The following PIGY variants were observed in gnomAD, a reference collection of about 807,000 sequenced individuals.
The protein encoded by PIGY is phosphatidylinositol N-acetylglucosaminyltransferase subunit Y.
Under a neutral mutation model 4.1 loss-of-function variants are expected in PIGY, and 3 were observed. That is an observed-to-expected ratio of 0.73 (90% CI 0.33 to 1.89). PIGY has a LOEUF of 1.89. Among genes scored for constraint, PIGY ranks in the 40% most tolerant of loss-of-function variants. PIGY has a pLI of 0.08. For missense variants in PIGY, 78 were observed against 80.3 expected (o/e 0.97, Z 0.11); for synonymous variants, 33 against 31.4 (o/e 1.05, Z -0.18).
At position 88,522,011 on chromosome 4, in the gene PIGY, G is replaced by A. The variant is rs3177413; in HGVS notation, c.-222C>T. ...TTCCCAACTCTTCATTAATCAATTC[G>A]TTTGTTGATGCTTCATATCTGAGGT... On this transcript the variant is annotated 5_prime_UTR_variant, in exon 2 of 2. In the 5' UTR this introduces an upstream ATG that the reference lacks. Coordinates refer to ENST00000527353, the MANE Select transcript of PIGY (RefSeq NM_001042616.3). 0.12 allele frequency: 179,209 copies of A among 1,545,740 alleles called. 11,669 individuals are homozygous for A. The highest frequency in any genetic ancestry group is 0.23 in the Admixed American group (11,328 of 50,068).
At chr4:88,522,940 C>G (rs564273540) in intron 1 of PIGY, among the ~76,000 whole-genome samples, 1 of 152,244 alleles carries the variant, frequency 6.6e-6, no homozygotes, top group South Asian at 2.1e-4. Flanking sequence ...TGTCCTGAAT[C>G]GCAGTGGTTC....
rs917373732 is a variant in PIGY at position 88,523,564 on chromosome 4, G to A, written c.-307C>T. 5.2e-6 allele frequency: 8 copies of A among 1,550,676 alleles called. No individual in the cohort carries two copies. Among genetic ancestry groups the A allele is most frequent in the South Asian group, 1.2e-5 (1 of 84,064 alleles). On this transcript the variant is annotated 5_prime_UTR_variant, in exon 1 of 2. Coordinates refer to ENST00000527353, the MANE Select transcript of PIGY (RefSeq NM_001042616.3). Reference sequence around the variant, plus strand: ...CAGCGCCGGATCGAAGTCGCGGGGCGGCTCCTCAGTCTTCTTGCCCCGGTC... The same window carrying A: ...CAGCGCCGGATCGAAGTCGCGGGGCAGCTCCTCAGTCTTCTTGCCCCGGTC...
rs1476561798 is a variant in PIGY, at chr4:88,523,745, G to A, written c.-488C>T. Reference sequence around the variant, plus strand: ...AGGCCTCACCGCAGCCTCGCCACCCGTGGCCGAGCTCCCGGCTTCCCGTTC... The same window carrying A: ...AGGCCTCACCGCAGCCTCGCCACCCATGGCCGAGCTCCCGGCTTCCCGTTC... On this transcript the variant is annotated 5_prime_UTR_variant, in exon 1 of 2. The change creates a new upstream start codon in the 5' untranslated region. Coordinates refer to ENST00000527353, the MANE Select transcript of PIGY (RefSeq NM_001042616.3). The A allele has an allele frequency of 1.4e-6, 2 of 1,393,364 alleles. No individual in the cohort carries two copies. The highest frequency in any genetic ancestry group is 1.5e-5 in the African/African-American group (1 of 65,510). 86.3% of individuals were successfully genotyped at this position (1,393,364 alleles called of 1,614,324 possible). A position where few individuals can be genotyped will look rare whatever the true frequency, so the allele number is the denominator to read the frequency against.
intron 1 of PIGY, among the ~76,000 whole-genome samples, chr4:88,522,581 A>G (rs1259761164): frequency 6.6e-6 from 1 of 152,246 alleles, no homozygotes; most frequent in Non-Finnish European, 1.5e-5. Flanking sequence ...GAGAAAATTG[A>G]ATAATATGTT....
intron 1 of PIGY, 100 bp from the exon 2 acceptor site, chr4:88,522,129 C>T (rs746998187): frequency 5.0e-5 from 55 of 1,098,586 alleles, no homozygotes; most frequent in South Asian, 1.6e-4. Flanking sequence ...ATTTTTGGTA[C>T]GGAGTTAATC....
At chr4:88,522,110 A>G (rs1742392500) in intron 1 of PIGY, 81 bp from the exon 2 acceptor site, 1 of 1,306,184 alleles carries the variant, frequency 7.7e-7, no homozygotes, top group Non-Finnish European at 1.0e-6. Flanking sequence ...AAATACCACC[A>G]TTTATCCAAT....
In PIGY at chr4:88,521,634, T is replaced by C. The variant is rs781364498; in HGVS notation, c.156A>G (p.Pro52=). The part of the protein sequence containing the change: ...FYSLLLPITI[P]VYVFFHLWTW... ...TCCAAAGGTGGAAGAATACATACAC[T>C]GGTATGGTAATAGGCAAGAGCAGGC... Residue 52 remains proline, a synonymous_variant, in exon 2 of 2, where the codon CCA becomes CCG. Coordinates refer to ENST00000527353, the MANE Select transcript of PIGY (RefSeq NM_001042616.3). 8 of 1,613,868 alleles carry C rather than the reference T, an allele frequency of 5.0e-6. No individual in the cohort carries two copies. The Admixed American group carries it at 5.0e-5, about 10-fold the overall frequency.
Position 88,523,738 on chromosome 4 carries a change from G to A in PIGY, c.-481C>T, listed in dbSNP as rs1193974265. 8 of 1,398,502 alleles carry A rather than the reference G, an allele frequency of 5.7e-6. 1 individual carries two copies. The highest frequency in any genetic ancestry group is 7.4e-6 in the Non-Finnish European group (8 of 1,082,846). The allele number at this position is 1,398,502 out of a possible 1,614,324, so 86.6% of individuals were successfully genotyped here. A position where few individuals can be genotyped will look rare whatever the true frequency, so the allele number is the denominator to read the frequency against. ...GGAGACCAGGCCTCACCGCAGCCTC[G>A]CCACCCGTGGCCGAGCTCCCGGCTT... On this transcript the variant is annotated 5_prime_UTR_variant, in exon 1 of 2. Transcript: ENST00000527353.
intron 1 of PIGY, 123 bp from the exon 2 acceptor site, chr4:88,522,152 T>C (rs1742393949): frequency 6.1e-6 from 5 of 816,416 alleles, no homozygotes; most frequent in Non-Finnish European, 9.0e-6. Context: ...AGAATAGTCT[T>C]CTTTAATTCT....
chr4:88,521,483 T>C lies in PIGY; in HGVS notation c.*91A>G, dbSNP rs1578076814. The stretch of plus-strand genomic sequence containing the variant: ...TGATATGCGCAAAGCAAAGCCTCTT[T>C]CCCGCAAACTAAATTCCATCCATTT... On this transcript the variant is annotated 3_prime_UTR_variant, in exon 2 of 2. Coordinates refer to ENST00000527353, the MANE Select transcript of PIGY (RefSeq NM_001042616.3). The C allele has an allele frequency of 8.4e-7, 1 of 1,195,798 alleles. No individual in the cohort carries two copies. The highest frequency in any genetic ancestry group is 2.0e-4 in the Middle Eastern group (1 of 5,108). 74.1% of individuals were successfully genotyped at this position (1,195,798 alleles called of 1,614,324 possible).
At position 88,523,730 on chromosome 4, in the gene PIGY, G is replaced by C. The variant is rs550251902; in HGVS notation, c.-473C>G. On this transcript the variant is annotated 5_prime_UTR_variant, in exon 1 of 2. Transcript: ENST00000527353. ...TGGCAGCCGGAGACCAGGCCTCACC[G>C]CAGCCTCGCCACCCGTGGCCGAGCT... 4 of 1,413,616 alleles carry C rather than the reference G, an allele frequency of 2.8e-6. No individual in the cohort carries two copies. The highest frequency in any genetic ancestry group is 3.7e-6 in the Non-Finnish European group (4 of 1,091,088). 87.6% of individuals were successfully genotyped at this position (1,413,616 alleles called of 1,614,324 possible).
intron 1 of PIGY, among the ~76,000 whole-genome samples, chr4:88,522,594 T>G (rs1742410189): frequency 6.6e-6 from 1 of 152,236 alleles, no homozygotes; most frequent in Admixed American, 6.5e-5. Context: ...AATATGTTTA[T>G]TACGGGAAAA....
Position 88,522,012 on chromosome 4 carries a change from T to C in PIGY, c.-223A>G. ...TCCCAACTCTTCATTAATCAATTCG[T>C]TTGTTGATGCTTCATATCTGAGGTG... On this transcript the variant is annotated 5_prime_UTR_variant, in exon 2 of 2. Transcript: ENST00000527353. 1 of 1,547,784 alleles carries C rather than the reference T, an allele frequency of 6.5e-7. No individual in the cohort carries two copies. Among genetic ancestry groups the C allele is most frequent in the Non-Finnish European group, 8.7e-7 (1 of 1,145,996 alleles).
At chr4:88,522,525 C>A (rs993233673) in intron 1 of PIGY, among the ~76,000 whole-genome samples, 1 of 152,156 alleles carries the variant, frequency 6.6e-6, no homozygotes, top group African/African-American at 2.4e-5. Flanking sequence ...ACTAAGTCTG[C>A]AGTGAGCTAG....
rs750139166 is a variant in PIGY at position 88,521,674 on chromosome 4, C to G, written c.116G>C (p.Ser39Thr). ...NFPQGCTSTASLCFYSLLLPI... is the reference protein window; with the variant it reads ...NFPQGCTSTATLCFYSLLLPI... Reference sequence around the variant, plus strand: ...CAAGAGCAGGCTGTAAAAGCAAAGGCTGGCTGTGCTAGTGCAGCCCTGTGG... The same window carrying G: ...CAAGAGCAGGCTGTAAAAGCAAAGGGTGGCTGTGCTAGTGCAGCCCTGTGG... The change falls in exon 2 of 2, where the codon AGC (serine) becomes ACC (threonine). Residue 39 changes from serine to threonine, a missense_variant. Physicochemically the swap from Ser to Thr is moderately conservative, Grantham distance 58. Transcript: ENST00000527353. 1 of 1,613,978 alleles carries G rather than the reference C, an allele frequency of 6.2e-7. No homozygotes were observed. The highest frequency in any genetic ancestry group is 1.1e-5 in the South Asian group (1 of 91,080).
rs1169414733 is a variant in PIGY at position 88,521,581 on chromosome 4, T to C, written c.209A>G (p.His70Arg). Residue 70 changes from histidine (H) to arginine (R), a missense_variant, in exon 2 of 2, where the codon CAT (histidine) becomes CGT (arginine). Physicochemically the swap from His to Arg is conservative, Grantham distance 29. Transcript: ENST00000527353. ...ATATTGACTCTAGTTGCATCAATTA[T>C]GCCTGAAGAGTTTAATACCCATCCA... ...WTWMGIKLFR[H>R]N 4.4e-6 allele frequency: 7 copies of C among 1,603,918 alleles called. No individual in the cohort carries two copies. The highest frequency in any genetic ancestry group is 1.1e-5 in the South Asian group (1 of 90,862).
rs1742370646 is a variant in PIGY at position 88,521,631 on chromosome 4, C to G, written c.159G>C (p.Val53=). The change falls in exon 2 of 2, where the codon GTG becomes GTC. Residue 53 remains valine, a synonymous_variant. Coordinates refer to ENST00000527353, the MANE Select transcript of PIGY (RefSeq NM_001042616.3). The stretch of plus-strand genomic sequence containing the variant: ...AAGTCCAAAGGTGGAAGAATACATA[C>G]ACTGGTATGGTAATAGGCAAGAGCA... ...YSLLLPITIP[V]YVFFHLWTWM... is the part of the protein sequence containing the mutation. 2.5e-6 allele frequency: 4 copies of G among 1,613,966 alleles called. No homozygotes were observed. In the Admixed American group the frequency reaches 5.0e-5, roughly 20 times the overall value.
chr4:88,521,537 T>C lies in PIGY; in HGVS notation c.*37A>G. On this transcript the variant is annotated 3_prime_UTR_variant, in exon 2 of 2. Transcript: ENST00000527353. ...CTTTCAGAGATCGATGCCCAAGAGC[T>C]ATCATTAATATATACAGCATATTGA... 3.3e-6 allele frequency: 5 copies of C among 1,524,298 alleles called. No homozygotes were observed. Among genetic ancestry groups the C allele is most frequent in the Non-Finnish European group, 4.5e-6 (5 of 1,103,688 alleles). 94.4% of individuals were successfully genotyped at this position (1,524,298 alleles called of 1,614,324 possible).
Position 88,523,590 on chromosome 4 carries a change from G to A in PIGY, c.-333C>T, listed in dbSNP as rs1335846651. On this transcript the variant is annotated 5_prime_UTR_variant, in exon 1 of 2. Transcript: ENST00000527353. Reference sequence around the variant, plus strand: ...GCTCCTCAGTCTTCTTGCCCCGGTCGGCCAAAGGCCGCGACCCCGACGCGT... The same window carrying A: ...GCTCCTCAGTCTTCTTGCCCCGGTCAGCCAAAGGCCGCGACCCCGACGCGT... The A allele has an allele frequency of 5.8e-6, 9 of 1,549,444 alleles. No homozygotes were observed. The highest frequency in any genetic ancestry group is 4.1e-5 in the African/African-American group (3 of 73,024).
Sources: gnomAD v4.1 joint callset for allele counts (sites outside exome capture counted in the v4.1 genomes callset) on GRCh38, gnomAD v4.1.1 for gene constraint, MANE v1.5 for transcripts, NCBI Gene and HGNC (gene_info 2026-07-23, HGNC 2026-07-21) for gene names.